The following DENND6A variants were observed in gnomAD, a reference collection of about 807,000 sequenced individuals.
The protein encoded by DENND6A is DENN domain containing 6A, also known as protein DENND6A.
In DENND6A, 43 loss-of-function variants were observed where a neutral mutation model predicts 95.5. The observed-to-expected ratio is 0.45, with a 90% CI of 0.35 to 0.58. DENND6A has a LOEUF of 0.58. DENND6A is among the 20% of genes least tolerant of loss of function. The pLI is 0.00. For synonymous variants in DENND6A, 257 were observed against 260.4 expected (o/e 0.99, Z 0.13); for missense variants, 574 against 736.0 (o/e 0.78, Z 2.55).
intron 3 of DENND6A, among the ~76,000 whole-genome samples, chr3:57,669,752 T>A (rs2071584427): frequency 6.7e-6 from 1 of 150,288 alleles, no homozygotes; most frequent in Non-Finnish European, 1.5e-5. Flanking sequence ...CCGGGTGCAG[T>A]GGTTCACACC....
At chr3:57,655,331 C>T (rs190705195) in intron 9 of DENND6A, among the ~76,000 whole-genome samples, 4 of 152,292 alleles carry the variant, frequency 2.6e-5, no homozygotes, top group African/African-American at 7.2e-5. Context: ...CTGCATCTGG[C>T]GGGAAACAAG....
At chr3:57,690,469 C>T (rs1325799187) in intron 1 of DENND6A, among the ~76,000 whole-genome samples, 2 of 151,510 alleles carry the variant, frequency 1.3e-5, no homozygotes, top group Non-Finnish European at 2.9e-5. Flanking sequence ...TGCAGGGAGA[C>T]GAGATTGCCC....
chr3:57,630,680 G>A (rs775587716), intron 17 of DENND6A, 35 bp downstream of exon 17: 19 of 1,581,828 alleles, frequency 1.2e-5, no homozygotes, highest in African/African-American at 1.1e-4. Context: ...AATAAAGCAC[G>A]ACACATGGGT....
intron 12 of DENND6A, among the ~76,000 whole-genome samples, chr3:57,639,541 T>C (rs1231156552): frequency 6.6e-6 from 1 of 152,186 alleles, no homozygotes; most frequent in African/African-American, 2.4e-5. Flanking sequence ...AAATTAAGAT[T>C]TAAAAAAATT....
intron 1 of DENND6A, among the ~76,000 whole-genome samples, chr3:57,684,295 T>C (rs1258573816): frequency 6.6e-6 from 1 of 151,466 alleles, no homozygotes; most frequent in Non-Finnish European, 1.5e-5. Flanking sequence ...CCCCGTCGTC[T>C]CTACTAAAAA....
rs1046888174 is a variant in DENND6A at position 57,634,629 on chromosome 3, G to A, written c.1199-7C>T. ...TTATATGAAGTATAAACTCCTAAGA[G>A]CAAAGAAAAGAAGGTAAACAAAAAA... is the stretch of plus-strand genomic sequence containing the variant. On this transcript the variant is annotated splice_region_variant and splice_polypyrimidine_tract_variant and intron_variant, in intron 13 of 19. Transcript: ENST00000311128. 3 of 1,484,730 alleles carry A rather than the reference G, an allele frequency of 2.0e-6. No individual in the cohort carries two copies. Among genetic ancestry groups the A allele is most frequent in the Non-Finnish European group, 1.8e-6 (2 of 1,110,194 alleles). 92.0% of individuals were successfully genotyped at this position (1,484,730 alleles called of 1,614,324 possible). A position where few individuals can be genotyped will look rare whatever the true frequency, so the allele number is the denominator to read the frequency against.
intron 7 of DENND6A, 33 bp downstream of exon 7, chr3:57,660,727 T>C: frequency 6.4e-7 from 1 of 1,555,778 alleles, no homozygotes; most frequent in Non-Finnish European, 8.7e-7. Context: ...AAAATAAAAA[T>C]AAAAAGGAGA....
intron 12 of DENND6A, among the ~76,000 whole-genome samples, chr3:57,636,542 CAA>C (rs990411446): frequency 6.6e-6 from 1 of 152,068 alleles, no homozygotes; most frequent in Non-Finnish European, 1.5e-5. Context: ...GAATTATGAA[CAA>C]GATACTACGG....
chr3:57,684,892 C>A (rs1015531085), intron 1 of DENND6A, among the ~76,000 whole-genome samples: 4 of 152,022 alleles, frequency 2.6e-5, no homozygotes, highest in African/African-American at 9.7e-5. Flanking sequence ...TCCCTTGAGT[C>A]CAGGAGTTCA....
intron 11 of DENND6A, among the ~76,000 whole-genome samples, chr3:57,643,947 A>T (rs2071007662): frequency 6.6e-6 from 1 of 151,798 alleles, no homozygotes; most frequent in Non-Finnish European, 1.5e-5. Flanking sequence ...TCAGGAGTTC[A>T]AGACCAGTCT....
chr3:57,671,840 C>T (rs1238186364), intron 3 of DENND6A, among the ~76,000 whole-genome samples: 3 of 152,200 alleles, frequency 2.0e-5, no homozygotes, highest in African/African-American at 7.2e-5. Flanking sequence ...CTGCACGTAA[C>T]TTATGGCCTT....
At chr3:57,629,804 G>A (rs894161538) in intron 18 of DENND6A, among the ~76,000 whole-genome samples, 56 of 151,886 alleles carry the variant, frequency 3.7e-4, no homozygotes, top group African/African-American at 1.2e-3. Context: ...TTACAGGCGT[G>A]AGCCACTGCA....
At chr3:57,654,667 G>A (rs2071286714) in intron 9 of DENND6A, 9 of 985,214 alleles carry the variant, frequency 9.1e-6, no homozygotes, top group Middle Eastern at 5.2e-4. Flanking sequence ...AACAGAATGA[G>A]GAAACTATTT....
intron 1 of DENND6A, among the ~76,000 whole-genome samples, chr3:57,692,036 G>A (rs942740791): frequency 6.6e-6 from 1 of 151,914 alleles, no homozygotes; most frequent in African/African-American, 2.4e-5. Context: ...TTCGAGACCA[G>A]CCTTACCAAA....
chr3:57,663,098 C>T (rs965384477), intron 5 of DENND6A, among the ~76,000 whole-genome samples: 5 of 147,744 alleles, frequency 3.4e-5, no homozygotes, highest in South Asian at 2.2e-4. Flanking sequence ...TTGCAGTGAG[C>T]CGAGATCACA....
At chr3:57,672,231 G>A (rs752795768) in intron 3 of DENND6A, 25 bp downstream of exon 3, 2 of 1,590,178 alleles carry the variant, frequency 1.3e-6, no homozygotes, top group East Asian at 4.5e-5. Flanking sequence ...AAATTAAACA[G>A]AAACACTGTA....
In DENND6A at chr3:57,630,433, A is replaced by G; in HGVS notation, c.1608T>C (p.Ala536=). The G allele has an allele frequency of 6.3e-7, 1 of 1,584,638 alleles. No individual in the cohort carries two copies. The highest frequency in any genetic ancestry group is 8.5e-7 in the Non-Finnish European group (1 of 1,173,544). ...TQKLEALHLE[A]LCEEDLLLWI... Reference sequence around the variant, plus strand: ...ACAGTTTTCGAACCTCTTCACAAAGAGCTTCTAGATGGAGTGCCTCCAATT... The same window carrying G: ...ACAGTTTTCGAACCTCTTCACAAAGGGCTTCTAGATGGAGTGCCTCCAATT... Residue 536 remains alanine (A), a synonymous_variant, in exon 18 of 20, where the codon GCT becomes GCC. Transcript: ENST00000311128.
intron 1 of DENND6A, among the ~76,000 whole-genome samples, chr3:57,676,384 A>AAG (rs1204728684): frequency 6.6e-6 from 1 of 150,592 alleles, no homozygotes; most frequent in Non-Finnish European, 1.5e-5. Context: ...TTAAAAAAAA[A>AAG]AAAAAAAAAA....
intron 12 of DENND6A, among the ~76,000 whole-genome samples, chr3:57,640,466 G>A (rs1463175968): frequency 6.6e-6 from 1 of 151,778 alleles, no homozygotes; most frequent in African/African-American, 2.4e-5. Flanking sequence ...GGAGGTGGGT[G>A]CCTGTAATCC....
Sources: gnomAD v4.1 joint callset for allele counts (sites outside exome capture counted in the v4.1 genomes callset) on GRCh38, gnomAD v4.1.1 for gene constraint, MANE v1.5 for transcripts, NCBI Gene and HGNC (gene_info 2026-07-23, HGNC 2026-07-21) for gene names.